DIS3L2: variants seen among roughly 807,000 people sequenced by gnomAD.
The protein encoded by DIS3L2 is DIS3-like exonuclease 2.
Under a neutral mutation model 97.5 loss-of-function variants are expected in DIS3L2, and 34 were observed. The observed-to-expected ratio is 0.35, with a 90% confidence interval of 0.27 to 0.46. The LOEUF is 0.46. DIS3L2 is among the 20% of genes least tolerant of loss of function. The pLI, the probability that DIS3L2 is intolerant of heterozygous loss-of-function variation, is 1.00. For synonymous variants in DIS3L2, 435 were observed against 445.2 expected (o/e 0.98, Z 0.29); for missense variants, 1,038 against 1,146.0 (o/e 0.91, Z 1.36).
chr2:232,140,882 C>T (rs866184553), intron 8 of DIS3L2, among the ~76,000 whole-genome samples: 1 of 152,184 alleles, frequency 6.6e-6, no homozygotes, highest in Non-Finnish European at 1.5e-5. Flanking sequence ...CTCTATACAT[C>T]ACATCGCCCA....
rs570652575 is a variant in DIS3L2 at position 232,316,591 on chromosome 2, C to G, written c.1740-13222C>G. On this transcript the variant is annotated intron_variant, in intron 14 of 20. Transcript: ENST00000325385. ...ATTCTGTTCAATGGGAGGAAAGGCT[C>G]TGAGTGAGGTGGGAAGGAAGGACTT... 9.9e-5 allele frequency among the ~76,000 whole-genome samples: 15 copies of G among 152,272 alleles called. 2 individuals are homozygous for G. The highest frequency in any genetic ancestry group is 3.6e-4 in the African/African-American group (15 of 41,550).
At chr2:232,041,724 A>G (rs1695115704) in intron 5 of DIS3L2, among the ~76,000 whole-genome samples, 1 of 152,252 alleles carries the variant, frequency 6.6e-6, no homozygotes. Context: ...AAACAATGTG[A>G]TACAGAACCT....
intron 9 of DIS3L2, among the ~76,000 whole-genome samples, chr2:232,173,103 G>T (rs543290459): frequency 6.6e-6 from 1 of 152,126 alleles, no homozygotes; most frequent in African/African-American, 2.4e-5. Flanking sequence ...TTTCTTGATG[G>T]TGTTCTTAGA....
At chr2:232,282,066 G>A (rs541823859) in intron 13 of DIS3L2, among the ~76,000 whole-genome samples, 2 of 145,926 alleles carry the variant, frequency 1.4e-5, no homozygotes, top group Admixed American at 7.2e-5. Flanking sequence ...GAAACCAGCC[G>A]TCCTTCCTCC....
intron 9 of DIS3L2, among the ~76,000 whole-genome samples, chr2:232,187,075 C>A (rs1309947538): frequency 6.6e-6 from 1 of 151,990 alleles, no homozygotes; most frequent in Non-Finnish European, 1.5e-5. Flanking sequence ...AGAACTCCTA[C>A]AACTTAACAA....
At chr2:232,212,636 A>G (rs992636537) in intron 10 of DIS3L2, among the ~76,000 whole-genome samples, 1 of 152,232 alleles carries the variant, frequency 6.6e-6, no homozygotes. Flanking sequence ...TTGTTGGACA[A>G]TGGAAAGGCA....
At chr2:232,254,743 G>A (rs1574974573) in intron 12 of DIS3L2, among the ~76,000 whole-genome samples, 1 of 152,224 alleles carries the variant, frequency 6.6e-6, no homozygotes, top group East Asian at 1.9e-4. Flanking sequence ...TGGCCTCTGG[G>A]GTTTCTGTTG....
chr2:231,990,895 C>G (rs1015930502), intron 1 of DIS3L2, among the ~76,000 whole-genome samples: 1 of 151,954 alleles, frequency 6.6e-6, no homozygotes, highest in Non-Finnish European at 1.5e-5. Context: ...AAATAGACTC[C>G]GAGTTTTTGG....
At chr2:232,054,105 AG>A (rs1695482312) in intron 5 of DIS3L2, among the ~76,000 whole-genome samples, 1 of 152,236 alleles carries the variant, frequency 6.6e-6, no homozygotes. Context: ...TGGGGTTTTT[AG>A]GAGCTCTGTA....
chr2:232,291,748 A>G (rs1404020560), intron 13 of DIS3L2, among the ~76,000 whole-genome samples: 1 of 152,216 alleles, frequency 6.6e-6, no homozygotes, highest in African/African-American at 2.4e-5. Flanking sequence ...AGTAGTCTGC[A>G]GAGAAAGCTG....
At chr2:232,138,818 T>A (rs894416371) in intron 8 of DIS3L2, among the ~76,000 whole-genome samples, 1 of 152,182 alleles carries the variant, frequency 6.6e-6, no homozygotes, top group South Asian at 2.1e-4. Context: ...CTCAATTTGT[T>A]CCCAACTCCT....
intron 1 of DIS3L2, among the ~76,000 whole-genome samples, chr2:231,968,372 G>A (rs774114287): frequency 1.3e-5 from 2 of 152,228 alleles, no homozygotes; most frequent in Non-Finnish European, 2.9e-5. Context: ...TGGGATTACA[G>A]GCGTGAGCCA....
At chr2:232,313,855 G>T (rs1033024218) in intron 14 of DIS3L2, among the ~76,000 whole-genome samples, 1 of 152,214 alleles carries the variant, frequency 6.6e-6, no homozygotes, top group Non-Finnish European at 1.5e-5. Context: ...ATGGCAGCAG[G>T]CCAAGAGAGG....
chr2:232,291,279 C>T (rs946876487), intron 13 of DIS3L2, among the ~76,000 whole-genome samples: 16 of 152,200 alleles, frequency 1.1e-4, no homozygotes, highest in African/African-American at 3.9e-4. Context: ...ACAGTGAACA[C>T]TAAAGAAGAA....
rs1453829721 is a variant in DIS3L2, at chr2:232,214,171, T to C, written c.1204+3766T>C. 4.6e-5 allele frequency among the ~76,000 whole-genome samples: 7 copies of C among 152,316 alleles called. No homozygotes were observed. In the East Asian group the frequency reaches 1.3e-3, roughly 29 times the overall value. ...CGTGTGCCTCAGTGTTTTATTATTG[T>C]ACAGATCACTTGCAGCATACCTCAC... On this transcript the variant is annotated intron_variant, in intron 10 of 20. Coordinates refer to ENST00000325385, the MANE Select transcript of DIS3L2 (RefSeq NM_152383.5).
chr2:232,167,401 G>A (rs1316605367), intron 9 of DIS3L2, among the ~76,000 whole-genome samples: 1 of 152,080 alleles, frequency 6.6e-6, no homozygotes, highest in East Asian at 1.9e-4. Flanking sequence ...TTTGGTGAAA[G>A]CAGTATGGTT....
chr2:232,070,266 CAAAGAAAAGA>C (rs920476361), intron 5 of DIS3L2, among the ~76,000 whole-genome samples: 1 of 152,122 alleles, frequency 6.6e-6, no homozygotes, highest in Non-Finnish European at 1.5e-5. Context: ...GATTCCGTCT[CAAAGAAAAGA>C]AAAGAAAAAG....
intron 11 of DIS3L2, among the ~76,000 whole-genome samples, chr2:232,247,635 G>GGGGGGC (rs1693296401): frequency 1.9e-5 from 1 of 51,386 alleles, no homozygotes; most frequent in Admixed American, 1.9e-4. Context: ...GGGGGGGGGG[G>GGGGGGC]CGGGGGGGAG....
intron 14 of DIS3L2, among the ~76,000 whole-genome samples, chr2:232,304,453 G>A (rs749674600): frequency 8.5e-5 from 13 of 152,194 alleles, no homozygotes; most frequent in Non-Finnish European, 1.9e-4. Context: ...GCACCCTGTG[G>A]GATGATATGC....
Sources: gnomAD v4.1 joint callset for allele counts (sites outside exome capture counted in the v4.1 genomes callset) on GRCh38, gnomAD v4.1.1 for gene constraint, MANE v1.5 for transcripts, NCBI Gene and HGNC (gene_info 2026-07-23, HGNC 2026-07-21) for gene names.